The following NEGR1 variants were observed in gnomAD, a reference collection of about 807,000 sequenced individuals.
The protein encoded by NEGR1 is IgLON family member 4.
Under a neutral mutation model 40.9 loss-of-function variants are expected in NEGR1, and 10 were observed. The ratio of observed to expected loss-of-function variants is 0.24; its 90% CI spans 0.15 to 0.42. The LOEUF (loss-of-function observed/expected upper bound fraction) is 0.42. NEGR1 is among the 10% of genes least tolerant of loss of function. The pLI, the probability that NEGR1 is intolerant of heterozygous loss-of-function variation, is 1.00. For synonymous variants in NEGR1, 185 were observed against 166.8 expected (o/e 1.11, Z -0.84); for missense variants, 352 against 438.9 (o/e 0.80, Z 1.77).
At chr1:71,432,334 T>A (rs946175065) in intron 6 of NEGR1, among the ~76,000 whole-genome samples, 1 of 152,192 alleles carries the variant, frequency 6.6e-6, no homozygotes, top group Non-Finnish European at 1.5e-5. Context: ...ATTTAAGGCA[T>A]AAAATGTAAT....
intron 4 of NEGR1, among the ~76,000 whole-genome samples, chr1:71,686,382 A>C (rs1417331269): frequency 6.6e-6 from 1 of 152,122 alleles, no homozygotes; most frequent in African/African-American, 2.4e-5. Flanking sequence ...GGGTAGGGGT[A>C]GGGATATTCT....
At chr1:71,822,990 A>T (rs966252760) in intron 2 of NEGR1, among the ~76,000 whole-genome samples, 2 of 152,026 alleles carry the variant, frequency 1.3e-5, no homozygotes, top group African/African-American at 2.4e-5. Context: ...AAAATCTAGA[A>T]CATGCATTCA....
At chr1:71,559,019 G>GTGTGTGTATA (rs377263417) in intron 6 of NEGR1, among the ~76,000 whole-genome samples, 97 of 114,086 alleles carry the variant, frequency 8.5e-4, no homozygotes, top group Middle Eastern at 5.0e-3. Context: ...CTGTGTGTGT[G>GTGTGTGTATA]TATATATATA....
intron 6 of NEGR1, among the ~76,000 whole-genome samples, chr1:71,575,533 C>T (rs1648935490): frequency 1.3e-5 from 2 of 152,184 alleles, no homozygotes; most frequent in African/African-American, 2.4e-5. Flanking sequence ...CCTGTAATCC[C>T]AGTACTTTGG....
intron 6 of NEGR1, among the ~76,000 whole-genome samples, chr1:71,538,686 T>C (rs899626186): frequency 6.6e-6 from 1 of 151,722 alleles, no homozygotes; most frequent in Non-Finnish European, 1.5e-5. Context: ...ATGCCAAGCC[T>C]CTTAGAGCAC....
At chr1:71,703,393 T>C (rs903973689) in intron 3 of NEGR1, 1 of 150,744 alleles carries the variant, frequency 6.6e-6, no homozygotes, top group Non-Finnish European at 1.5e-5. Context: ...CAACATAATG[T>C]CCAATATCCA....
chr1:72,041,644 T>A (rs1241508529), intron 1 of NEGR1, among the ~76,000 whole-genome samples: 2 of 150,184 alleles, frequency 1.3e-5, no homozygotes, highest in Non-Finnish European at 3.0e-5. Context: ...ATCCCACTTG[T>A]GGGTATAAAA....
At chr1:71,629,665 C>T (rs949635182) in intron 4 of NEGR1, among the ~76,000 whole-genome samples, 1 of 151,944 alleles carries the variant, frequency 6.6e-6, no homozygotes, top group Non-Finnish European at 1.5e-5. Flanking sequence ...GATAAGAAGT[C>T]AAACTGTCTC....
intron 6 of NEGR1, among the ~76,000 whole-genome samples, chr1:71,552,602 T>C (rs1379564609): frequency 6.7e-6 from 1 of 148,914 alleles, no homozygotes; most frequent in African/African-American, 2.4e-5. Context: ...ATTCTATTTC[T>C]AGAAGAATAT....
chr1:72,239,543 CATA>C (rs2307614), intron 1 of NEGR1, among the ~76,000 whole-genome samples: 66,779 of 151,074 alleles, frequency 0.44, 15,104 homozygotes, highest in Non-Finnish European at 0.48. Context: ...GGGGTAGTGA[CATA>C]ATATTCTGAA....
intron 4 of NEGR1, among the ~76,000 whole-genome samples, chr1:71,640,423 G>A (rs1287010306): frequency 6.6e-6 from 1 of 151,966 alleles, no homozygotes; most frequent in Non-Finnish European, 1.5e-5. Context: ...CACTCCTCTG[G>A]CCTTCCCTAC....
intron 4 of NEGR1, among the ~76,000 whole-genome samples, chr1:71,645,754 T>C (rs1248132795): frequency 1.3e-5 from 2 of 151,888 alleles, no homozygotes; most frequent in Non-Finnish European, 2.9e-5. Context: ...TTGTCTGTAG[T>C]TCTTTGACAG....
chr1:72,266,179 A>G (rs532344763), intron 1 of NEGR1, among the ~76,000 whole-genome samples: 1 of 151,030 alleles, frequency 6.6e-6, no homozygotes, highest in East Asian at 1.9e-4. Context: ...TGAGTAATTG[A>G]CATAACATTG....
intron 6 of NEGR1, chr1:71,423,028 G>A (rs1300568665): frequency 6.6e-6 from 1 of 152,026 alleles, no homozygotes; most frequent in East Asian, 1.9e-4. Context: ...TTATGAAACA[G>A]GTATCCTGAG....
chr1:71,997,404 C>T (rs1646514328), intron 1 of NEGR1, among the ~76,000 whole-genome samples: 1 of 152,012 alleles, frequency 6.6e-6, no homozygotes, highest in African/African-American at 2.4e-5. Flanking sequence ...TACTGCAATG[C>T]CCTTTCCCCA....
At chr1:72,277,888 A>G (rs1656113623) in intron 1 of NEGR1, among the ~76,000 whole-genome samples, 1 of 152,168 alleles carries the variant, frequency 6.6e-6, no homozygotes, top group African/African-American at 2.4e-5. Context: ...AAAGTACACC[A>G]TAATTGATTT....
At position 72,109,896 on chromosome 1, in the gene NEGR1, A is replaced by G. The variant is rs556359494; in HGVS notation, c.176+172423T>C. On this transcript the variant is annotated intron_variant, in intron 1 of 6. Coordinates refer to ENST00000357731, the MANE Select transcript of NEGR1 (RefSeq NM_173808.3). The stretch of plus-strand genomic sequence containing the variant: ...CATTGGAGATTCTTAAAATAAAATT[A>G]TTAAACCTTCTTACTCAGTTTGTTC... Among the ~76,000 whole-genome samples, 9 of 151,842 alleles carry G rather than the reference A, an allele frequency of 5.9e-5. No homozygotes were observed. In the East Asian group the frequency reaches 1.7e-3, roughly 29 times the overall value.
intron 6 of NEGR1, among the ~76,000 whole-genome samples, chr1:71,529,527 C>G (rs1647293689): frequency 6.6e-6 from 1 of 151,092 alleles, no homozygotes; most frequent in Admixed American, 6.6e-5. Flanking sequence ...AGTAGATACC[C>G]TTAAGCTCCT....
At chr1:71,589,545 C>T (rs191846656) in intron 6 of NEGR1, among the ~76,000 whole-genome samples, 15 of 152,100 alleles carry the variant, frequency 9.9e-5, no homozygotes, top group African/African-American at 3.6e-4. Flanking sequence ...TAATTTCTAC[C>T]TCCTTTTAAA....
Sources: gnomAD v4.1 joint callset for allele counts (sites outside exome capture counted in the v4.1 genomes callset) on GRCh38, gnomAD v4.1.1 for gene constraint, MANE v1.5 for transcripts, NCBI Gene and HGNC (gene_info 2026-07-23, HGNC 2026-07-21) for gene names.